FAM149A: variants seen among roughly 807,000 people sequenced by gnomAD.
FAM149A encodes family with sequence similarity 149 member A, also known as protein FAM149A.
A neutral mutation model predicts 78.2 loss-of-function variants in FAM149A; 71 were observed. That is an observed-to-expected ratio of 0.91 (90% CI 0.75 to 1.11). FAM149A has a LOEUF of 1.11. FAM149A is among the 50% of genes least tolerant of loss of function. The pLI is 0.00. For missense variants in FAM149A, 1,036 were observed against 971.0 expected, an observed-to-expected ratio of 1.07 and a Z score of -0.89; for synonymous variants, 446 against 410.5, an observed-to-expected ratio of 1.09 and a Z score of -1.04.
intron 1 of FAM149A, among the ~76,000 whole-genome samples, chr4:186,108,434 T>C (rs1007163040): frequency 2.0e-5 from 3 of 150,524 alleles, no homozygotes; most frequent in African/African-American, 7.3e-5. Flanking sequence ...AACAAAAAAC[T>C]AAAAGTAGTG....
chr4:186,162,833 T>TTTTTTTTTTTC lies in FAM149A; in HGVS notation c.1576-12_1576-11insTTTTTTTTTTC. ...TTCTTTTTTTTTTTTTTTTTTTTTTTACTGTTCTCAGATTCATCACTTCTC... is the reference window on the plus strand; with the variant it reads ...TTCTTTTTTTTTTTTTTTTTTTTTTTTTTTTTTTTTCACTGTTCTCAGATTCATCACTTCTC... On this transcript the variant is annotated splice_polypyrimidine_tract_variant and intron_variant, in intron 8 of 13. Coordinates refer to ENST00000389354, the MANE Select transcript of FAM149A (RefSeq NM_001367768.3). The TTTTTTTTTTTC allele has an allele frequency of 1.2e-6, 1 of 821,798 alleles. No homozygotes were observed. Among genetic ancestry groups the TTTTTTTTTTTC allele is most frequent in the Non-Finnish European group, 2.0e-6 (1 of 505,340 alleles). The allele number at this position is 821,798 out of a possible 1,614,324, so 50.9% of individuals were successfully genotyped here.
At chr4:186,151,152 G>A (rs985555552) in intron 3 of FAM149A, 1 of 707,238 alleles carries the variant, frequency 1.4e-6, no homozygotes, top group African/African-American at 1.9e-5. Flanking sequence ...GCACTGCTAG[G>A]AGGACCTTTC....
At chr4:186,146,695 A>G in intron 1 of FAM149A, 1 of 820,326 alleles carries the variant, frequency 1.2e-6, no homozygotes, top group Non-Finnish European at 1.5e-6. Context: ...TTTGGCGGTG[A>G]AAACCATTTG....
chr4:186,143,780 C>T (rs528281447), intron 1 of FAM149A, among the ~76,000 whole-genome samples: 2 of 152,194 alleles, frequency 1.3e-5, no homozygotes, highest in Admixed American at 6.5e-5. Flanking sequence ...ATCCGCCCAC[C>T]TCAGCCTTCC....
chr4:186,112,278 A>G (rs75140098), intron 1 of FAM149A, among the ~76,000 whole-genome samples: 36,413 of 148,612 alleles, frequency 0.25, 4,959 homozygotes, highest in Middle Eastern at 0.4. Flanking sequence ...GTTGCTTATC[A>G]GCTTAAGGAG....
chr4:186,140,108 G>A (rs2099325182), intron 1 of FAM149A, among the ~76,000 whole-genome samples: 1 of 152,170 alleles, frequency 6.6e-6, no homozygotes, highest in Non-Finnish European at 1.5e-5. Flanking sequence ...AGTAATATTA[G>A]CCTTGTTTTA....
At chr4:186,169,385 G>A (rs923109924) in intron 13 of FAM149A, 35 of 985,386 alleles carry the variant, frequency 3.6e-5, no homozygotes, top group Admixed American at 1.8e-4. Context: ...AATGAGGCGC[G>A]TGCCCCATGC....
At chr4:186,171,729 C>T (rs75439025) in intron 13 of FAM149A, among the ~76,000 whole-genome samples, 185 bp from the exon 14 acceptor site, 2,072 of 152,296 alleles carry the variant, frequency 0.014, 54 homozygotes, top group African/African-American at 0.047. Context: ...TGGGGGAGCA[C>T]ACTTCCTTTT....
At chr4:186,124,215 G>A (rs975856345) in intron 1 of FAM149A, 1 of 985,276 alleles carries the variant, frequency 1.0e-6, no homozygotes, top group Non-Finnish European at 1.2e-6. Context: ...CAGAGGGTGG[G>A]TTGGCTTTCG....
intron 1 of FAM149A, among the ~76,000 whole-genome samples, chr4:186,133,525 A>G (rs1029490424): frequency 2.0e-5 from 3 of 152,212 alleles, no homozygotes; most frequent in African/African-American, 7.2e-5. Context: ...ATGTTATAGC[A>G]TGAATCAGAT....
chr4:186,165,984 C>G (rs1734994123), intron 11 of FAM149A, among the ~76,000 whole-genome samples: 1 of 152,228 alleles, frequency 6.6e-6, no homozygotes, highest in Non-Finnish European at 1.5e-5. Flanking sequence ...CTGGTCATTT[C>G]TATCGGTCAT....
At chr4:186,153,119 G>T (rs1478127794) in intron 4 of FAM149A, 7 of 225,168 alleles carry the variant, frequency 3.1e-5, no homozygotes, top group African/African-American at 1.4e-4. Flanking sequence ...CTTTTCTGGG[G>T]ATGATCACTC....
intron 1 of FAM149A, chr4:186,117,553 G>A (rs2099314260): frequency 1.0e-6 from 1 of 985,312 alleles, no homozygotes; most frequent in African/African-American, 1.7e-5. Flanking sequence ...CTGGGGCTTG[G>A]GAGGGCACTG....
intron 1 of FAM149A, among the ~76,000 whole-genome samples, chr4:186,137,135 G>C (rs2099323715): frequency 6.6e-6 from 1 of 152,066 alleles, no homozygotes; most frequent in African/African-American, 2.4e-5. Flanking sequence ...AACTTTAACA[G>C]AAATCAGCAA....
chr4:186,154,707 G>A (rs1030961142), intron 6 of FAM149A, 69 bp downstream of exon 6: 48 of 1,486,696 alleles, frequency 3.2e-5, no homozygotes, highest in Non-Finnish European at 3.9e-5. Flanking sequence ...TATTGTTATC[G>A]TATGCTCATT....
intron 1 of FAM149A, chr4:186,123,252 A>AC: frequency 1.0e-6 from 1 of 985,312 alleles, no homozygotes; most frequent in Non-Finnish European, 1.2e-6. Flanking sequence ...GGCTGTTTGT[A>AC]TAGTTTATTT....
rs1200764635 is a variant in FAM149A at position 186,167,101 on chromosome 4, G to A, written c.2139+5G>A. 3 of 1,610,762 alleles carry A rather than the reference G, an allele frequency of 1.9e-6. No homozygotes were observed. Among genetic ancestry groups the A allele is most frequent in the Admixed American group, 3.3e-5 (2 of 59,836 alleles). On this transcript the variant is annotated splice_donor_5th_base_variant and intron_variant, in intron 12 of 13. Transcript: ENST00000389354. Reference sequence around the variant, plus strand: ...AGCACAACCCACACGTTCCGGGTGGGTTCTCTGTTTCCTGTAACTTTAATT... The same window carrying A: ...AGCACAACCCACACGTTCCGGGTGGATTCTCTGTTTCCTGTAACTTTAATT...
rs1223218011 is a variant in FAM149A, at chr4:186,144,923, C to T, written c.567-4250C>T. 2 of 886,570 alleles carry T rather than the reference C, an allele frequency of 2.3e-6. No individual in the cohort carries two copies. Among genetic ancestry groups the T allele is most frequent in the African/African-American group, 6.2e-5 (2 of 32,050 alleles). 54.9% of individuals were successfully genotyped at this position (886,570 alleles called of 1,614,324 possible). On this transcript the variant is annotated intron_variant, in intron 1 of 13. Coordinates refer to ENST00000389354, the MANE Select transcript of FAM149A (RefSeq NM_001367768.3). The surrounding 1 kb of genome is among the most constrained non-coding windows in gnomAD (Gnocchi z 4.2). ...GGCCGCCTGAGCTGGGCCAGCCGCG[C>T]GGCGGGCGCGGGCGCGGGCGCGGGC...
At position 186,162,832 on chromosome 4, in the gene FAM149A, T is replaced by TTTTTC; in HGVS notation, c.1576-12_1576-11insTTTCT. ...ATTCTTTTTTTTTTTTTTTTTTTTT[T>TTTTTC]TACTGTTCTCAGATTCATCACTTCT... On this transcript the variant is annotated splice_polypyrimidine_tract_variant and intron_variant, in intron 8 of 13. Transcript: ENST00000389354. The TTTTTC allele has an allele frequency of 1.1e-6, 1 of 948,220 alleles. No individual in the cohort carries two copies. The highest frequency in any genetic ancestry group is 2.2e-5 in the Admixed American group (1 of 45,354). The allele number at this position is 948,220 out of a possible 1,614,324, so 58.7% of individuals were successfully genotyped here.
Sources: gnomAD v4.1 joint callset for allele counts (sites outside exome capture counted in the v4.1 genomes callset) on GRCh38, gnomAD v4.1.1 for gene constraint, Gnocchi (gnomAD v3.1) non-coding constraint, MANE v1.5 for transcripts, NCBI Gene and HGNC (gene_info 2026-07-23, HGNC 2026-07-21) for gene names.